Variants in PTPRJ observed in about 807,000 individuals in gnomAD.
The protein encoded by PTPRJ is receptor-type tyrosine-protein phosphatase eta.
In PTPRJ, 129 loss-of-function variants were observed where a neutral mutation model predicts 141.3. The ratio of observed to expected loss-of-function variants is 0.91; its 90% CI spans 0.79 to 1.06. The LOEUF is 1.06. Among genes scored for constraint, PTPRJ ranks in the 50% least tolerant of loss-of-function variants. The pLI, the probability that PTPRJ is intolerant of heterozygous loss-of-function variation, is 0.00. For missense variants in PTPRJ, 1,601 were observed against 1,679.7 expected, an observed-to-expected ratio of 0.95 and a Z score of 0.82; for synonymous variants, 610 against 640.5, an observed-to-expected ratio of 0.95 and a Z score of 0.72.
At chr11:48,033,286 T>A (rs1291013625) in intron 1 of PTPRJ, among the ~76,000 whole-genome samples, 1 of 148,162 alleles carries the variant, frequency 6.7e-6, no homozygotes, top group Non-Finnish European at 1.5e-5. Flanking sequence ...GGGGGTGGAG[T>A]GGGGTGGGGT....
chr11:47,997,385 C>G (rs1431893449), intron 1 of PTPRJ, among the ~76,000 whole-genome samples: 1 of 152,230 alleles, frequency 6.6e-6, no homozygotes, highest in Non-Finnish European at 1.5e-5. Flanking sequence ...GACTTCCTCC[C>G]CGTGAGACCG....
At chr11:48,123,387 C>T (rs576454693) in intron 4 of PTPRJ, among the ~76,000 whole-genome samples, 1 of 152,148 alleles carries the variant, frequency 6.6e-6, no homozygotes, top group South Asian at 2.1e-4. Context: ...TTCTTCTCTT[C>T]CGTGTTATTA....
At chr11:48,130,053 G>A (rs889729177) in intron 7 of PTPRJ, among the ~76,000 whole-genome samples, 2 of 151,388 alleles carry the variant, frequency 1.3e-5, no homozygotes, top group African/African-American at 4.9e-5. Flanking sequence ...GGGAAAATGG[G>A]GGAATGGATT....
chr11:48,043,711 C>T (rs1178446019), intron 1 of PTPRJ, among the ~76,000 whole-genome samples: 10 of 152,102 alleles, frequency 6.6e-5, no homozygotes, highest in East Asian at 5.8e-4. Flanking sequence ...GTGAAATGGA[C>T]GGTGGGATCC....
rs2134265115 is a variant in PTPRJ at position 48,065,057 on chromosome 11, C to T, written c.97-45001C>T. Reference sequence around the variant, plus strand: ...GAGACAGAGCTTCACTCTTGTTGCCCAGGCTGGAGTGCAATGGTGCGATCT... The same window carrying T: ...GAGACAGAGCTTCACTCTTGTTGCCTAGGCTGGAGTGCAATGGTGCGATCT... On this transcript the variant is annotated intron_variant, in intron 1 of 24. Coordinates refer to ENST00000418331, the MANE Select transcript of PTPRJ (RefSeq NM_002843.4). Among the ~76,000 whole-genome samples, 3 of 145,002 alleles carry T rather than the reference C, an allele frequency of 2.1e-5. No homozygotes were observed. The East Asian group carries it at 6.0e-4, about 29-fold the overall frequency.
At chr11:48,085,815 C>T (rs967117480) in intron 1 of PTPRJ, among the ~76,000 whole-genome samples, 6 of 152,114 alleles carry the variant, frequency 3.9e-5, no homozygotes, top group African/African-American at 1.4e-4. Flanking sequence ...CTTTTCTAAG[C>T]GAATGATTAG....
At chr11:48,059,389 C>T (rs1854855439) in intron 1 of PTPRJ, among the ~76,000 whole-genome samples, 1 of 152,124 alleles carries the variant, frequency 6.6e-6, no homozygotes, top group Non-Finnish European at 1.5e-5. Flanking sequence ...TCCCAAAGTG[C>T]TGGGATTACA....
chr11:48,068,384 T>G (rs1855141204), intron 1 of PTPRJ, among the ~76,000 whole-genome samples: 1 of 152,184 alleles, frequency 6.6e-6, no homozygotes, highest in Non-Finnish European at 1.5e-5. Flanking sequence ...GTTTCTCCCA[T>G]ACTATTCTGG....
intron 3 of PTPRJ, among the ~76,000 whole-genome samples, chr11:48,114,429 C>CAAAAAAAAAAAAAAAA (rs71045544): frequency 2.9e-5 from 2 of 68,716 alleles, no homozygotes; most frequent in African/African-American, 6.5e-5. Context: ...GACTCTGTCT[C>CAAAAAAAAAAAAAAAA]AAAAAAAAAA....
intron 1 of PTPRJ, among the ~76,000 whole-genome samples, chr11:48,072,813 A>G (rs1475509804): frequency 6.6e-6 from 1 of 152,206 alleles, no homozygotes; most frequent in Non-Finnish European, 1.5e-5. Context: ...ATAGTCATCT[A>G]TTTTAATATG....
intron 3 of PTPRJ, among the ~76,000 whole-genome samples, chr11:48,113,824 TTATC>T (rs999224701): frequency 6.6e-6 from 1 of 152,216 alleles, no homozygotes; most frequent in Non-Finnish European, 1.5e-5. Context: ...TTAAAAAACT[TTATC>T]TTTTTTATTT....
At chr11:48,154,191 C>T (rs1857549475) in intron 19 of PTPRJ, among the ~76,000 whole-genome samples, 1 of 152,222 alleles carries the variant, frequency 6.6e-6, no homozygotes, top group Admixed American at 6.5e-5. Context: ...CGGGAAAACT[C>T]GGCTTTGTAC....
rs745540617 is a variant in PTPRJ, at chr11:48,139,750, G to A, written c.2417G>A (p.Arg806Gln). 28 of 1,614,040 alleles carry A rather than the reference G, an allele frequency of 1.7e-5. No homozygotes were observed. Among genetic ancestry groups the A allele is most frequent in the South Asian group, 1.3e-4 (12 of 91,070 alleles). Residue 806 changes from arginine to glutamine, a missense_variant, in exon 11 of 25, where the codon CGG (arginine) becomes CAG (glutamine). By Grantham distance (43) the Arg-to-Gln change is conservative. Transcript: ENST00000418331. ...TGTGGAAAGATGGCAGCCCCCACCC[G>A]GAACACCTGCACTACTGGCATCACA... ...VSCGKMAAPT[R>Q]NTCTTGITDP...
chr11:48,038,182 C>T (rs1481035635), intron 1 of PTPRJ, among the ~76,000 whole-genome samples: 1 of 152,098 alleles, frequency 6.6e-6, no homozygotes, highest in Non-Finnish European at 1.5e-5. Flanking sequence ...GGCTGCCATT[C>T]CTGCAGTGTA....
chr11:48,137,001 A>G lies in PTPRJ; in HGVS notation c.1874-2A>G. 1 of 1,586,128 alleles carries G rather than the reference A, an allele frequency of 6.3e-7. No individual in the cohort carries two copies. Among genetic ancestry groups the G allele is most frequent in the Non-Finnish European group, 8.6e-7 (1 of 1,158,180 alleles). The stretch of plus-strand genomic sequence containing the variant: ...ATGAATTGCCTTTTTTTTAAAATCA[A>G]GGGCCCAGCAATGTGTCCAACATTG... On this transcript the variant is annotated splice_acceptor_variant, in intron 9 of 24. Coordinates refer to ENST00000418331, the MANE Select transcript of PTPRJ (RefSeq NM_002843.4). LOFTEE classifies it high-confidence loss of function.
At chr11:47,987,667 G>A (rs1008353027) in intron 1 of PTPRJ, among the ~76,000 whole-genome samples, 6 of 152,340 alleles carry the variant, frequency 3.9e-5, no homozygotes, top group Non-Finnish European at 7.3e-5. Flanking sequence ...ATCCCTGAAA[G>A]TGGTGAATAT....
At chr11:48,030,563 C>T (rs1237924) in intron 1 of PTPRJ, among the ~76,000 whole-genome samples, 1 of 151,936 alleles carries the variant, frequency 6.6e-6, no homozygotes. Context: ...GCCAGCATGG[C>T]GAAACACCAT....
chr11:48,094,735 G>C (rs1393977094), intron 1 of PTPRJ, among the ~76,000 whole-genome samples: 1 of 152,192 alleles, frequency 6.6e-6, no homozygotes, highest in Non-Finnish European at 1.5e-5. Context: ...CTTTAAGGAT[G>C]TGTTTGGGGC....
intron 1 of PTPRJ, among the ~76,000 whole-genome samples, chr11:48,089,584 T>C (rs1293715695): frequency 6.6e-6 from 1 of 151,662 alleles, no homozygotes; most frequent in Non-Finnish European, 1.5e-5. Context: ...ACCTATCACC[T>C]GAGGAGCCCA....
Sources: allele counts gnomAD v4.1 joint callset (sites outside exome capture counted in the v4.1 genomes callset), GRCh38; gene constraint gnomAD v4.1.1; transcripts MANE v1.5; gene names NCBI Gene and HGNC (gene_info 2026-07-23, HGNC 2026-07-21).